RELN: variants seen among roughly 807,000 people sequenced by gnomAD.
RELN encodes the protein reelin.
RELN carries 108 observed loss-of-function variants against 427.6 expected under a neutral mutation model. The observed-to-expected ratio is 0.25, with a 90% confidence interval of 0.22 to 0.30. The LOEUF is 0.30. Ranked by LOEUF, RELN falls within the 10% of genes least tolerant of loss-of-function variation. The pLI, the probability that RELN is intolerant of heterozygous loss-of-function variation, is 1.00. For missense variants in RELN, 3,715 were observed against 4,302.8 expected, an observed-to-expected ratio of 0.86 and a Z score of 3.82; for synonymous variants, 1,524 against 1,513.4, an observed-to-expected ratio of 1.01 and a Z score of -0.16.
chr7:103,507,485 G>A (rs537202033), intron 51 of RELN, among the ~76,000 whole-genome samples: 1 of 152,282 alleles, frequency 6.6e-6, no homozygotes, highest in East Asian at 1.9e-4. Context: ...TGAAACCAAT[G>A]AGAACAAAGA....
At chr7:103,720,379 T>C (rs1054272264) in intron 8 of RELN, among the ~76,000 whole-genome samples, 1 of 152,022 alleles carries the variant, frequency 6.6e-6, no homozygotes, top group African/African-American at 2.4e-5. Context: ...CACAATAATT[T>C]CTCCAATTGT....
intron 8 of RELN, among the ~76,000 whole-genome samples, chr7:103,712,301 C>T (rs1390925314): frequency 6.6e-6 from 1 of 152,112 alleles, no homozygotes; most frequent in Non-Finnish European, 1.5e-5. Context: ...TAAACTTTGT[C>T]TGTTCTTTCC....
At chr7:103,598,298 C>T (rs957053671) in intron 24 of RELN, among the ~76,000 whole-genome samples, 3 of 152,170 alleles carry the variant, frequency 2.0e-5, no homozygotes, top group Admixed American at 2.0e-4. Flanking sequence ...TTGTAAGTTA[C>T]ATGCATTTTT....
chr7:103,797,770 G>A (rs999494792), intron 3 of RELN, among the ~76,000 whole-genome samples: 13 of 152,088 alleles, frequency 8.5e-5, no homozygotes, highest in Non-Finnish European at 1.5e-4. Flanking sequence ...AAAATCCGGG[G>A]CATGTGGTGT....
At chr7:103,540,664 A>G (rs1488762386) in intron 43 of RELN, among the ~76,000 whole-genome samples, 1 of 152,122 alleles carries the variant, frequency 6.6e-6, no homozygotes, top group Non-Finnish European at 1.5e-5. Flanking sequence ...AAAAAAGGCA[A>G]TTCTGCACCC....
intron 6 of RELN, among the ~76,000 whole-genome samples, chr7:103,741,429 G>C (rs1224683335): frequency 6.6e-6 from 1 of 151,792 alleles, no homozygotes; most frequent in African/African-American, 2.4e-5. Flanking sequence ...ATGCAATGAA[G>C]GAAGACTTGG....
chr7:103,613,544 C>T (rs1832010830), intron 20 of RELN, among the ~76,000 whole-genome samples: 1 of 152,198 alleles, frequency 6.6e-6, no homozygotes, highest in Non-Finnish European at 1.5e-5. Flanking sequence ...CTTGTCTATA[C>T]TGCTCCTAGG....
chr7:103,947,220 C>A (rs1320483391), intron 1 of RELN, among the ~76,000 whole-genome samples: 1 of 152,160 alleles, frequency 6.6e-6, no homozygotes, highest in African/African-American at 2.4e-5. Context: ...TTAACCCTAG[C>A]AGGGAAGTAC....
At chr7:103,859,041 T>C (rs1170390356) in intron 2 of RELN, among the ~76,000 whole-genome samples, 1 of 152,214 alleles carries the variant, frequency 6.6e-6, no homozygotes, top group East Asian at 1.9e-4. Flanking sequence ...TTGGAGAATG[T>C]AGCAAATACT....
chr7:103,890,643 A>G (rs1200619967), intron 2 of RELN, among the ~76,000 whole-genome samples: 1 of 152,164 alleles, frequency 6.6e-6, no homozygotes. Flanking sequence ...GGACCGCTGC[A>G]CTATGATACT....
chr7:103,642,349 G>GTTTT (rs201250403), intron 16 of RELN, among the ~76,000 whole-genome samples: 10 of 112,756 alleles, frequency 8.9e-5, no homozygotes, highest in Non-Finnish European at 1.1e-4. Context: ...ATTTCATAGT[G>GTTTT]TTTTTTTTTT....
At chr7:103,486,172 G>A in intron 61 of RELN, 25 bp downstream of exon 61, 1 of 1,604,364 alleles carries the variant, frequency 6.2e-7, no homozygotes, top group Non-Finnish European at 8.5e-7. Flanking sequence ...TCTATGTCTG[G>A]ACTAAAATAT....
Position 103,630,196 on chromosome 7 carries a change from C to A in RELN, c.2466-20G>T. 1.4e-6 allele frequency: 2 copies of A among 1,462,316 alleles called. No homozygotes were observed. Among genetic ancestry groups the A allele is most frequent in the South Asian group, 1.1e-5 (1 of 87,776 alleles). 90.6% of individuals were successfully genotyped at this position (1,462,316 alleles called of 1,614,324 possible). A position where few individuals can be genotyped will look rare whatever the true frequency, so the allele number is the denominator to read the frequency against. On this transcript the variant is annotated intron_variant, in intron 19 of 64. Coordinates refer to ENST00000428762, the MANE Select transcript of RELN (RefSeq NM_005045.4). Reference sequence around the variant, plus strand: ...ATTATTCTAGAGAAAAAAAAAAAGTCAAAATTTAGATTATTTTGGTATCTT... The same window carrying A: ...ATTATTCTAGAGAAAAAAAAAAAGTAAAAATTTAGATTATTTTGGTATCTT...
Position 103,940,768 on chromosome 7 carries a change from T to A in RELN, c.227-23583A>T, listed in dbSNP as rs868801216. On this transcript the variant is annotated intron_variant, in intron 1 of 64. Coordinates refer to ENST00000428762, the MANE Select transcript of RELN (RefSeq NM_005045.4). The stretch of plus-strand genomic sequence containing the variant: ...TTCCTTTGGTGGTGGATTGGCTGGG[T>A]GATTGATTGGATAATGGATTCAGAG... Among the ~76,000 whole-genome samples, 4 of 152,268 alleles carry A rather than the reference T, an allele frequency of 2.6e-5. No homozygotes were observed. In the South Asian group the frequency reaches 8.3e-4, roughly 32 times the overall value.
chr7:103,689,200 G>T (rs985316061), intron 10 of RELN, among the ~76,000 whole-genome samples: 2 of 152,028 alleles, frequency 1.3e-5, no homozygotes, highest in Admixed American at 1.3e-4. Flanking sequence ...TGACATAAAT[G>T]TGTAGAAAAG....
At chr7:103,762,737 G>A (rs1791333866) in intron 4 of RELN, among the ~76,000 whole-genome samples, 1 of 152,096 alleles carries the variant, frequency 6.6e-6, no homozygotes, top group South Asian at 2.1e-4. Context: ...TTGTACATAT[G>A]TCATCTTCTT....
intron 48 of RELN, among the ~76,000 whole-genome samples, chr7:103,521,127 C>G (rs1338562430): frequency 1.3e-5 from 2 of 150,448 alleles, no homozygotes; most frequent in Non-Finnish European, 3.0e-5. Flanking sequence ...CAGGCGCCCG[C>G]CACCGCGCCC....
At chr7:103,851,966 C>A (rs1321788146) in intron 2 of RELN, among the ~76,000 whole-genome samples, 1 of 152,140 alleles carries the variant, frequency 6.6e-6, no homozygotes, top group Non-Finnish European at 1.5e-5. Context: ...GGCACAGCCA[C>A]AATATGGAAA....
intron 63 of RELN, among the ~76,000 whole-genome samples, chr7:103,480,662 C>G (rs3808043): frequency 0.33 from 49,750 of 152,036 alleles, 8,380 homozygotes; most frequent in East Asian, 0.55. Context: ...AAAATAAATT[C>G]CTTTAACAAA....
Sources: gnomAD v4.1 joint callset for allele counts (sites outside exome capture counted in the v4.1 genomes callset) on GRCh38, gnomAD v4.1.1 for gene constraint, MANE v1.5 for transcripts, NCBI Gene and HGNC (gene_info 2026-07-23, HGNC 2026-07-21) for gene names.